The following NUP85 variants were observed in gnomAD, a reference collection of about 807,000 sequenced individuals.
NUP85 encodes the protein nuclear pore complex protein Nup85.
In NUP85, 23 loss-of-function variants were observed where a neutral mutation model predicts 92.8. That is an observed-to-expected ratio of 0.25 (90% confidence interval 0.18 to 0.35). The LOEUF is 0.35. Ranked by LOEUF, NUP85 falls within the 10% of genes least tolerant of loss-of-function variation. The probability of loss-of-function intolerance (pLI) is 1.00; values close to 1 mark genes in which losing one functional copy is unlikely to be tolerated. For synonymous variants in NUP85, 314 were observed against 306.9 expected (o/e 1.02, Z -0.24); for missense variants, 759 against 822.8 (o/e 0.92, Z 0.95).
At chr17:75,214,678 G>T (rs2075373890) in intron 5 of NUP85, among the ~76,000 whole-genome samples, 1 of 151,946 alleles carries the variant, frequency 6.6e-6, no homozygotes. Flanking sequence ...GGCCAACACG[G>T]AAACTCCATC....
chr17:75,224,975 C>A, intron 7 of NUP85, 128 bp from the exon 8 acceptor site: 1 of 881,618 alleles, frequency 1.1e-6, no homozygotes, highest in South Asian at 2.0e-5. Flanking sequence ...AGGGCAGACT[C>A]AGGTGCAGAA....
chr17:75,210,626 C>T (rs969983309), intron 3 of NUP85, among the ~76,000 whole-genome samples: 2 of 152,156 alleles, frequency 1.3e-5, no homozygotes, highest in Admixed American at 1.3e-4. Context: ...CTTTGATAAG[C>T]TTTTCACAAA....
intron 14 of NUP85, among the ~76,000 whole-genome samples, chr17:75,232,479 G>A (rs2145416748): frequency 6.6e-6 from 1 of 152,272 alleles, no homozygotes; most frequent in East Asian, 1.9e-4. Flanking sequence ...GAAAGCATAT[G>A]GTATTCACGA....
rs770035611 is a variant in NUP85, at chr17:75,211,977, T to C, written c.291-15T>C. The C allele has an allele frequency of 2.1e-5, 34 of 1,604,380 alleles. 2 individuals carry two copies. In the South Asian group the frequency reaches 3.7e-4, roughly 17 times the overall value. ...TGTTCCAGGCTCATCTTGTGTGTTA[T>C]TTCATTTTTTGTAGATTGGTTCGAG... On this transcript the variant is annotated splice_polypyrimidine_tract_variant and intron_variant, in intron 3 of 18. Coordinates refer to ENST00000245544, the MANE Select transcript of NUP85 (RefSeq NM_024844.5).
At position 75,231,785 on chromosome 17, in the gene NUP85, C is replaced by T. The variant is rs942707587; in HGVS notation, c.1245-43C>T. 4 of 1,611,694 alleles carry T rather than the reference C, an allele frequency of 2.5e-6. No individual in the cohort carries two copies. The African/African-American group carries it at 5.3e-5, about 22-fold the overall frequency. On this transcript the variant is annotated intron_variant, in intron 13 of 18. Coordinates refer to ENST00000245544, the MANE Select transcript of NUP85 (RefSeq NM_024844.5). The surrounding 1 kb of genome is among the most constrained non-coding windows in gnomAD (Gnocchi z 4.6). ...AGCTGTAGGTGCCAGTCCTCGGAGCCATGAGGCAGCACCTCATGTCTGTCC... is the reference window on the plus strand; with the variant it reads ...AGCTGTAGGTGCCAGTCCTCGGAGCTATGAGGCAGCACCTCATGTCTGTCC...
intron 11 of NUP85, among the ~76,000 whole-genome samples, chr17:75,226,482 C>G (rs902984607): frequency 6.6e-6 from 1 of 152,134 alleles, no homozygotes; most frequent in Non-Finnish European, 1.5e-5. Flanking sequence ...CTCCCTTCAT[C>G]AAGTCGCTTT....
At chr17:75,235,036 C>A in intron 17 of NUP85, 64 bp from the exon 18 acceptor site, 2 of 1,347,308 alleles carry the variant, frequency 1.5e-6, no homozygotes, top group Non-Finnish European at 2.1e-6. Flanking sequence ...GAACATGGGC[C>A]CCTGCCCCAA....
chr17:75,232,863 G>T lies in NUP85; in HGVS notation c.1409G>T (p.Cys470Phe), dbSNP rs750326333. Residue 470 changes from cysteine (C) to phenylalanine (F), a missense_variant, in exon 15 of 19, where the codon TGT (cysteine) becomes TTT (phenylalanine). By Grantham distance (205) the Cys-to-Phe change is radical (BLOSUM62 -2). Transcript: ENST00000245544. ...RQMTEQVRSICKILAMKAVRN... is the reference protein window; with the variant it reads ...RQMTEQVRSIFKILAMKAVRN... ...TTCCCCTGCAAAGTTCGCAGCATTTGTAAGATCTTAGCCATGAAAGCCGTC... is the reference window on the plus strand; with the variant it reads ...TTCCCCTGCAAAGTTCGCAGCATTTTTAAGATCTTAGCCATGAAAGCCGTC... The T allele has an allele frequency of 4.3e-6, 7 of 1,614,030 alleles. No individual in the cohort carries two copies. In the African/African-American group the frequency reaches 5.3e-5, roughly 12 times the overall value.
chr17:75,219,918 G>A (rs542504124), intron 7 of NUP85, among the ~76,000 whole-genome samples: 181 of 152,182 alleles, frequency 1.2e-3, no homozygotes, highest in African/African-American at 3.9e-3. Context: ...GGGGCAGGAG[G>A]GGCTGTGCTA....
intron 14 of NUP85, among the ~76,000 whole-genome samples, chr17:75,232,554 A>G (rs1399028950): frequency 6.6e-6 from 1 of 152,014 alleles, no homozygotes; most frequent in East Asian, 1.9e-4. Flanking sequence ...GTAGGGAGAA[A>G]CACGTAGGGA....
At chr17:75,225,869 C>T in intron 10 of NUP85, 40 bp downstream of exon 10, 1 of 1,611,926 alleles carries the variant, frequency 6.2e-7, no homozygotes. Context: ...GGGTAGGAGT[C>T]CTGGGGGCGC....
intron 1 of NUP85, among the ~76,000 whole-genome samples, chr17:75,206,632 A>C (rs2075089707): frequency 6.6e-6 from 1 of 152,108 alleles, no homozygotes; most frequent in Non-Finnish European, 1.5e-5. Flanking sequence ...TTTACCTGTG[A>C]AAAGAGGGAG....
At chr17:75,212,143 T>A (rs935848147) in intron 4 of NUP85, 81 bp downstream of exon 4, 1 of 959,380 alleles carries the variant, frequency 1.0e-6, no homozygotes, top group Non-Finnish European at 1.6e-6. Context: ...GCATAAATAC[T>A]GTGAGGTAAA....
chr17:75,210,772 G>A (rs996020510), intron 3 of NUP85, among the ~76,000 whole-genome samples: 4 of 152,140 alleles, frequency 2.6e-5, no homozygotes, highest in Middle Eastern at 3.4e-3. Flanking sequence ...CGCGTTCTCC[G>A]CTCACTGTAA....
chr17:75,235,534 C>A, intron 18 of NUP85, 44 bp from the exon 19 acceptor site: 1 of 1,434,660 alleles, frequency 7.0e-7, no homozygotes. Flanking sequence ...TGTGAAAGGG[C>A]TCCTTCCTGC....
chr17:75,212,744 C>T (rs1024527759), intron 4 of NUP85, among the ~76,000 whole-genome samples: 4 of 151,928 alleles, frequency 2.6e-5, no homozygotes, highest in Middle Eastern at 3.2e-3. Context: ...TGTTCTTGAA[C>T]TCCTGGGCTC....
At chr17:75,210,167 A>T (rs1162972516) in intron 3 of NUP85, among the ~76,000 whole-genome samples, 182 bp downstream of exon 3, 1 of 152,202 alleles carries the variant, frequency 6.6e-6, no homozygotes, top group African/African-American at 2.4e-5. Flanking sequence ...TAGCGGGAAT[A>T]TGCAAATGCT....
intron 7 of NUP85, among the ~76,000 whole-genome samples, chr17:75,219,119 G>C (rs536958855): frequency 6.6e-6 from 1 of 152,236 alleles, no homozygotes; most frequent in South Asian, 2.1e-4. Context: ...AGTTGACTGG[G>C]CTAATGGAAA....
At chr17:75,228,806 C>T (rs899074844) in intron 11 of NUP85, 9 of 985,402 alleles carry the variant, frequency 9.1e-6, no homozygotes, top group African/African-American at 5.2e-5. Context: ...TGTCAATAAT[C>T]GTGCCAGACC....
Sources: allele counts gnomAD v4.1 joint callset (sites outside exome capture counted in the v4.1 genomes callset), GRCh38; gene constraint gnomAD v4.1.1; non-coding constraint Gnocchi (gnomAD v3.1); transcripts MANE v1.5; gene names NCBI Gene and HGNC (gene_info 2026-07-23, HGNC 2026-07-21).